TPTE2: variants seen among roughly 807,000 people sequenced by gnomAD.
TPTE2 encodes the protein phosphatidylinositol 3,4,5-trisphosphate 3-phosphatase TPTE2.
Under a neutral mutation model 78.6 loss-of-function variants are expected in TPTE2, and 53 were observed. That is an observed-to-expected ratio of 0.67 (90% CI 0.54 to 0.85). The LOEUF (loss-of-function observed/expected upper bound fraction) is 0.85, where lower values mean the gene tolerates loss of function less well. TPTE2 is among the 40% of genes least tolerant of loss of function. TPTE2 has a pLI of 0.00. For missense variants in TPTE2, 461 were observed against 623.0 expected (o/e 0.74, Z 2.77); for synonymous variants, 175 against 206.2 (o/e 0.85, Z 1.30).
At chr13:19,476,039 T>C (rs1879915699) in intron 4 of TPTE2, among the ~76,000 whole-genome samples, 1 of 152,114 alleles carries the variant, frequency 6.6e-6, no homozygotes, top group Non-Finnish European at 1.5e-5. Flanking sequence ...AAATAAGGTG[T>C]TTCAGGAATG....
intron 17 of TPTE2, among the ~76,000 whole-genome samples, chr13:19,429,243 A>T (rs1354833877): frequency 1.3e-5 from 2 of 152,208 alleles, no homozygotes; most frequent in Non-Finnish European, 2.9e-5. Context: ...GGGTAAGGAG[A>T]CCACTGCAGA....
At chr13:19,426,353 G>C in intron 18 of TPTE2, 72 bp downstream of exon 21, 1 of 1,105,924 alleles carries the variant, frequency 9.0e-7, no homozygotes, top group Non-Finnish European at 1.4e-6. Flanking sequence ...GGGAATTGTA[G>C]TAAAGCAAAT....
chr13:19,431,206 T>C (rs1470222409), intron 16 of TPTE2, among the ~76,000 whole-genome samples: 1 of 152,094 alleles, frequency 6.6e-6, no homozygotes, highest in Non-Finnish European at 1.5e-5. Context: ...TATGTTGCTT[T>C]CTTCAGACTT....
At chr13:19,423,516 T>C (rs987436064) in intron 19 of TPTE2, among the ~76,000 whole-genome samples, 3 of 152,210 alleles carry the variant, frequency 2.0e-5, no homozygotes, top group African/African-American at 7.2e-5. Context: ...TTTTAATTTA[T>C]GTGTGAAGTT....
chr13:19,449,564 G>A (rs1878048315), intron 13 of TPTE2, among the ~76,000 whole-genome samples: 1 of 152,164 alleles, frequency 6.6e-6, no homozygotes, highest in Non-Finnish European at 1.5e-5. Flanking sequence ...TGAGACAGTA[G>A]ATTTTAAATG....
intron 14 of TPTE2, among the ~76,000 whole-genome samples, chr13:19,437,312 G>A (rs1877167942): frequency 6.6e-6 from 1 of 152,102 alleles, no homozygotes; most frequent in Non-Finnish European, 1.5e-5. Context: ...CTAGACTGCA[G>A]GCCAAACAAC....
chr13:19,537,784 T>A (rs985568902), upstream of TPTE2, among the ~76,000 whole-genome samples: 55 of 151,246 alleles, frequency 3.6e-4, no homozygotes, highest in African/African-American at 1.3e-3. Flanking sequence ...TTAATATTTT[T>A]AGTAGAGATG....
chr13:19,458,720 T>A, intron 10 of TPTE2: 1 of 466,078 alleles, frequency 2.1e-6, no homozygotes, highest in Non-Finnish European at 4.3e-6. Flanking sequence ...ATCACCCATA[T>A]TTAATTCTCT....
At chr13:19,504,730 A>T (rs1044436375), upstream of TPTE2, among the ~76,000 whole-genome samples, 1 of 152,094 alleles carries the variant, frequency 6.6e-6, no homozygotes, top group African/African-American at 2.4e-5. Flanking sequence ...TGCAGGGCCT[A>T]TAGTGAGGAG....
chr13:19,518,096 T>C (rs1869918500), intron 1 of TPTE2, among the ~76,000 whole-genome samples: 2 of 152,208 alleles, frequency 1.3e-5, no homozygotes, highest in Admixed American at 1.3e-4. Context: ...AATATTAAAA[T>C]TCACTAAAAT....
intron 9 of TPTE2, 123 bp downstream of exon 12, chr13:19,465,132 A>C: frequency 7.9e-7 from 1 of 1,260,530 alleles, no homozygotes; most frequent in Non-Finnish European, 1.1e-6. Flanking sequence ...ACACTATCAC[A>C]GTGGCATATA....
chr13:19,426,494 G>T, exon 18 of TPTE2: 1 of 1,592,170 alleles, frequency 6.3e-7, no homozygotes, highest in Non-Finnish European at 8.6e-7. Flanking sequence ...TTAATATTTT[G>T]TCTGTTTCAA....
chr13:19,448,910 A>G lies in TPTE2; in HGVS notation c.973+1166T>C, dbSNP rs1210861326. On this transcript the variant is annotated intron_variant, in intron 13 of 19. Transcript: ENST00000400230. ...TCAATCTAAATGTCATCAGTGGATG[A>G]ATGAATAAAGAATATGTGGTATATA... 3.9e-5 allele frequency among the ~76,000 whole-genome samples: 6 copies of G among 152,258 alleles called. No homozygotes were observed. In the East Asian group the frequency reaches 1.2e-3, roughly 29 times the overall value.
chr13:19,473,499 CATG>C (rs1566055606), intron 6 of TPTE2, among the ~76,000 whole-genome samples: 5 of 152,198 alleles, frequency 3.3e-5, no homozygotes, highest in African/African-American at 1.2e-4. Context: ...AAACACAGGC[CATG>C]GGGGGTACTG....
At chr13:19,512,133 T>A (rs974236924) in intron 1 of TPTE2, among the ~76,000 whole-genome samples, 8 of 152,208 alleles carry the variant, frequency 5.3e-5, no homozygotes, top group Admixed American at 5.2e-4. Flanking sequence ...AGGAGTTACT[T>A]AATCTGAAAG....
upstream of TPTE2, chr13:19,505,896 A>C (rs1868982419): frequency 6.6e-6 from 1 of 151,868 alleles, no homozygotes; most frequent in Admixed American, 6.6e-5. Flanking sequence ...TAAGAGGAAG[A>C]AGCATCCCTT....
In TPTE2 at chr13:19,426,509, A is replaced by ATG. The variant is rs754876242; in HGVS notation, c.1309_1310dup (p.Asp438MetfsTer9). 2.6e-6 allele frequency: 4 copies of ATG among 1,561,680 alleles called. No individual in the cohort carries two copies. The East Asian group carries it at 9.0e-5, about 35-fold the overall frequency. On this transcript the variant is annotated frameshift_variant, in exon 18 of 20. Transcript: ENST00000400230. LOFTEE classifies it high-confidence loss of function. ...TTAATATTTTGTCTGTTTCAATGTC[A>ATG]TGCAATATCTATGAATGAACACATG... is the stretch of plus-strand genomic sequence containing the variant.
Position 19,451,345 on chromosome 13 carries a change from G to C in TPTE2, c.742-120C>G, listed in dbSNP as rs1593363275. 16 of 1,215,596 alleles carry C rather than the reference G, an allele frequency of 1.3e-5. No individual in the cohort carries two copies. The East Asian group carries it at 3.7e-4, about 28-fold the overall frequency. 75.3% of individuals were successfully genotyped at this position (1,215,596 alleles called of 1,614,324 possible). A position where few individuals can be genotyped will look rare whatever the true frequency, so the allele number is the denominator to read the frequency against. Reference sequence around the variant, plus strand: ...TTGTCTCTCACTAGCATCTTCTAGGGGAGATTCAGGGAATAAGAGGGTATG... The same window carrying C: ...TTGTCTCTCACTAGCATCTTCTAGGCGAGATTCAGGGAATAAGAGGGTATG... On this transcript the variant is annotated intron_variant, in intron 10 of 19. Transcript: ENST00000400230.
At chr13:19,464,195 G>A (rs574769623) in intron 10 of TPTE2, among the ~76,000 whole-genome samples, 1 of 152,176 alleles carries the variant, frequency 6.6e-6, no homozygotes, top group Non-Finnish European at 1.5e-5. Context: ...GCAAGCACCT[G>A]AATTGGACAG....
Sources: allele counts gnomAD v4.1 joint callset (sites outside exome capture counted in the v4.1 genomes callset), GRCh38; gene constraint gnomAD v4.1.1; transcripts MANE v1.5; gene names NCBI Gene and HGNC (gene_info 2026-07-23, HGNC 2026-07-21).